Variants in EIF4ENIF1 observed in about 807,000 individuals in gnomAD.
EIF4ENIF1 encodes eukaryotic translation initiation factor 4E transporter.
EIF4ENIF1 carries 23 observed loss-of-function variants against 110.5 expected under a neutral mutation model. That is an observed-to-expected ratio of 0.21 (90% CI 0.15 to 0.29). The LOEUF (loss-of-function observed/expected upper bound fraction) is 0.29. EIF4ENIF1 is among the 10% of genes least tolerant of loss of function. The probability of loss-of-function intolerance (pLI) is 1.00; values close to 1 mark genes in which losing one functional copy is unlikely to be tolerated. For synonymous variants in EIF4ENIF1, 440 were observed against 437.0 expected, an observed-to-expected ratio of 1.01 and a Z score of -0.09; for missense variants, 1,031 against 1,221.1, an observed-to-expected ratio of 0.84 and a Z score of 2.32.
chr22:31,453,926 T>C (rs565380537), intron 10 of EIF4ENIF1, among the ~76,000 whole-genome samples: 8 of 152,314 alleles, frequency 5.3e-5, no homozygotes, highest in African/African-American at 1.9e-4. Flanking sequence ...ATCTTTATAC[T>C]GTCACCCACA....
At chr22:31,492,047 C>T (rs960915793), upstream of EIF4ENIF1, among the ~76,000 whole-genome samples, 4 of 152,180 alleles carry the variant, frequency 2.6e-5, no homozygotes, top group African/African-American at 7.2e-5. Context: ...CCCGTAAAAG[C>T]GTACATGTCT....
downstream of EIF4ENIF1, among the ~76,000 whole-genome samples, chr22:31,438,911 G>A (rs1170311949): frequency 6.6e-6 from 1 of 152,030 alleles, no homozygotes. Context: ...TAGTAGAGAT[G>A]GGATTTCACC....
chr22:31,484,083 A>G (rs1308958655), intron 2 of EIF4ENIF1, among the ~76,000 whole-genome samples: 1 of 152,176 alleles, frequency 6.6e-6, no homozygotes, highest in East Asian at 1.9e-4. Flanking sequence ...ACCATTTATC[A>G]AGTTCTCTAA....
At chr22:31,465,450 G>A (rs748358931) in intron 4 of EIF4ENIF1, among the ~76,000 whole-genome samples, 13 of 152,138 alleles carry the variant, frequency 8.5e-5, no homozygotes, top group Admixed American at 8.5e-4. Flanking sequence ...TTAGTCATTA[G>A]GGAAATGCAA....
intron 2 of EIF4ENIF1, among the ~76,000 whole-genome samples, chr22:31,473,628 A>T (rs936552128): frequency 2.0e-5 from 3 of 152,182 alleles, no homozygotes; most frequent in African/African-American, 7.2e-5. Context: ...ATGTTTTCTC[A>T]TGATAGACTG....
At chr22:31,468,664 G>A (rs1281780953) in intron 3 of EIF4ENIF1, among the ~76,000 whole-genome samples, 1 of 151,994 alleles carries the variant, frequency 6.6e-6, no homozygotes, top group African/African-American at 2.4e-5. Flanking sequence ...CAAAGTGCTG[G>A]GATTACAGAT....
chr22:31,466,262 A>T (rs1450403129), intron 4 of EIF4ENIF1, among the ~76,000 whole-genome samples: 1 of 152,108 alleles, frequency 6.6e-6, no homozygotes, highest in Non-Finnish European at 1.5e-5. Context: ...AAAATACAAA[A>T]ATTAGCCAGG....
intron 17 of EIF4ENIF1, among the ~76,000 whole-genome samples, chr22:31,441,330 G>A (rs947529973): frequency 1.3e-5 from 2 of 152,006 alleles, no homozygotes; most frequent in Admixed American, 1.3e-4. Flanking sequence ...CTAAACTTAG[G>A]AGTTTGAGAC....
chr22:31,448,229 A>G lies in EIF4ENIF1; in HGVS notation c.1772T>C (p.Phe591Ser). The G allele has an allele frequency of 6.2e-7, 1 of 1,614,144 alleles. No homozygotes were observed. Among genetic ancestry groups the G allele is most frequent in the South Asian group, 1.1e-5 (1 of 91,084 alleles). ...GAGTAGCTGCTGTGGTCCTGGTGTG[A>G]AACCTGTCGGGAAAGTTAGTCTCAG... ...LRPRIPSPIG[F>S]TPGPQQLLGD... is the part of the protein sequence containing the mutation. The change falls in exon 13 of 19, where the codon TTC becomes TCC. Residue 591 changes from phenylalanine (F) to serine (S), a missense_variant. Phe to Ser is a radical substitution (Grantham distance 155, BLOSUM62 -2). Around this residue, in one of 3 missense-constraint regions of EIF4ENIF1, gnomAD observed 704 missense variants for 879.7 expected, o/e 0.80. Coordinates refer to ENST00000330125, the MANE Select transcript of EIF4ENIF1 (RefSeq NM_019843.4).
chr22:31,438,337 A>G (rs996636031), downstream of EIF4ENIF1, among the ~76,000 whole-genome samples: 2 of 152,192 alleles, frequency 1.3e-5, no homozygotes, highest in Admixed American at 6.5e-5. Context: ...AGTGCTATGT[A>G]TATACTAATA....
At chr22:31,447,044 A>C (rs1229804353) in intron 14 of EIF4ENIF1, 2 of 457,922 alleles carry the variant, frequency 4.4e-6, no homozygotes, top group East Asian at 1.4e-4. Context: ...TGCTAGTTTC[A>C]TTTGTAAAAA....
At chr22:31,487,793 C>CAAAA (rs35367724) in intron 2 of EIF4ENIF1, among the ~76,000 whole-genome samples, 1 of 69,000 alleles carries the variant, frequency 1.4e-5, no homozygotes, top group Non-Finnish European at 3.0e-5. Context: ...CTGTCGGGTG[C>CAAAA]AAAAAAAAAA....
chr22:31,462,900 C>T, intron 6 of EIF4ENIF1, 32 bp downstream of exon 6: 1 of 1,607,524 alleles, frequency 6.2e-7, no homozygotes, highest in South Asian at 1.1e-5. Flanking sequence ...CATTTTAAAA[C>T]AGCGAACTTC....
At chr22:31,442,823 C>G (rs1181837042) in intron 16 of EIF4ENIF1, 139 bp downstream of exon 16, 3 of 1,165,112 alleles carry the variant, frequency 2.6e-6, no homozygotes, top group African/African-American at 3.1e-5. Context: ...AACCTTCTCA[C>G]TGACACAGAA....
intron 2 of EIF4ENIF1, chr22:31,479,484 A>C (rs148871855): frequency 5.3e-5 from 8 of 152,270 alleles, no homozygotes; most frequent in African/African-American, 1.9e-4. Context: ...CTGCCGAAGC[A>C]AGCATGAAAA....
intron 10 of EIF4ENIF1, chr22:31,450,629 T>C (rs2050616430): frequency 3.0e-6 from 1 of 331,650 alleles, no homozygotes; most frequent in Admixed American, 4.6e-5. Flanking sequence ...TTTCTAACAC[T>C]GTGACCAAAA....
At chr22:31,440,971 A>T in intron 17 of EIF4ENIF1, 103 bp from the exon 18 acceptor site, 1 of 1,479,756 alleles carries the variant, frequency 6.8e-7, no homozygotes, top group Non-Finnish European at 9.2e-7. Flanking sequence ...GTTAAGAATG[A>T]AGGGCTCTGC....
rs9619200 is a variant in EIF4ENIF1 at position 31,476,463 on chromosome 22, C to T, written c.97-4546G>A. The stretch of plus-strand genomic sequence containing the variant: ...AAAAGCCTAATTTTGGTCCTATTGA[C>T]GAGGAATCAAAAAATACTTTAACAG... On this transcript the variant is annotated intron_variant, in intron 2 of 18. Coordinates refer to ENST00000330125, the MANE Select transcript of EIF4ENIF1 (RefSeq NM_019843.4). 5.5e-4 allele frequency among the ~76,000 whole-genome samples: 83 copies of T among 151,194 alleles called. No individual in the cohort carries two copies. The East Asian group carries it at 6.6e-3, about 12-fold the overall frequency.
At chr22:31,483,520 T>C (rs1040052820) in intron 2 of EIF4ENIF1, among the ~76,000 whole-genome samples, 1 of 152,084 alleles carries the variant, frequency 6.6e-6, no homozygotes, top group Non-Finnish European at 1.5e-5. Flanking sequence ...GATCATTTCT[T>C]AAGCCAATGG....
Sources: gnomAD v4.1 joint callset for allele counts (sites outside exome capture counted in the v4.1 genomes callset) on GRCh38, gnomAD v4.1.1 for gene constraint, gnomAD v4.1.1 regional missense constraint, MANE v1.5 for transcripts, NCBI Gene and HGNC (gene_info 2026-07-23, HGNC 2026-07-21) for gene names.